Variants in SENP7 observed in about 807,000 individuals in gnomAD.
SENP7 encodes sentrin-specific protease 7.
A neutral mutation model predicts 141.2 loss-of-function variants in SENP7; 64 were observed. That is an observed-to-expected ratio of 0.45 (90% CI 0.37 to 0.56). SENP7 has a LOEUF of 0.56. Among genes scored for constraint, SENP7 ranks in the 20% least tolerant of loss-of-function variants. The pLI is 0.00. For missense variants in SENP7, 1,025 were observed against 1,212.2 expected (o/e 0.85, Z 2.29); for synonymous variants, 382 against 426.4 (o/e 0.90, Z 1.28).
At chr3:101,327,871 C>A in intron 22 of SENP7, 55 bp from the exon 23 acceptor site, 1 of 1,364,866 alleles carries the variant, frequency 7.3e-7, no homozygotes, top group Non-Finnish European at 1.0e-6. Flanking sequence ...TATCAGTATG[C>A]AACATTTTCA....
chr3:101,382,309 T>C (rs543555749), intron 6 of SENP7, among the ~76,000 whole-genome samples: 1 of 152,182 alleles, frequency 6.6e-6, no homozygotes, highest in South Asian at 2.1e-4. Flanking sequence ...TCTTAGTAGA[T>C]AGGACTACAG....
Position 101,332,832 on chromosome 3 carries a change from T to C in SENP7, c.2511A>G (p.Arg837=), listed in dbSNP as rs772174741. 1 of 1,578,826 alleles carries C rather than the reference T, an allele frequency of 6.3e-7. No homozygotes were observed. Among genetic ancestry groups the C allele is most frequent in the South Asian group, 1.2e-5 (1 of 82,460 alleles). Residue 837 remains arginine (R), a synonymous_variant, in exon 18 of 24, where the codon AGA becomes AGG. Transcript: ENST00000394095. ...SMAQRRHKRV[R]TWTRHINIFN... ...AAATGTTTATGTGACGAGTCCATGT[T>C]CTTACTCTTTTATGTCTTCTCTGTG...
chr3:101,449,467 GA>G (rs2063033878), intron 4 of SENP7, among the ~76,000 whole-genome samples: 1 of 152,214 alleles, frequency 6.6e-6, no homozygotes, highest in African/African-American at 2.4e-5. Flanking sequence ...GGCAGCCAGA[GA>G]GGAAGGTCGG....
intron 3 of SENP7, among the ~76,000 whole-genome samples, chr3:101,472,533 G>A (rs2064044380): frequency 6.6e-6 from 1 of 152,102 alleles, no homozygotes; most frequent in Non-Finnish European, 1.5e-5. Flanking sequence ...GATAGCATTA[G>A]GAGAAATACC....
intron 4 of SENP7, among the ~76,000 whole-genome samples, chr3:101,446,376 C>T (rs373899063): frequency 6.6e-6 from 1 of 152,178 alleles, no homozygotes; most frequent in African/African-American, 2.4e-5. Context: ...ATCATCCAGA[C>T]AGAAAACATC....
chr3:101,336,726 G>A (rs1031621284), intron 17 of SENP7, among the ~76,000 whole-genome samples: 2 of 152,176 alleles, frequency 1.3e-5, no homozygotes, highest in South Asian at 2.1e-4. Context: ...TAAGTATGGG[G>A]AAAGGGGAGA....
intron 17 of SENP7, chr3:101,333,195 G>A (rs921560661): frequency 3.7e-5 from 9 of 243,224 alleles, no homozygotes; most frequent in Non-Finnish European, 7.0e-5. Flanking sequence ...ATAAAATACT[G>A]TCATTAAACC....
chr3:101,446,627 G>A (rs1255625596), intron 4 of SENP7, among the ~76,000 whole-genome samples: 1 of 152,128 alleles, frequency 6.6e-6, no homozygotes, highest in African/African-American at 2.4e-5. Context: ...ACCGGAAACT[G>A]TACAAACCCC....
intron 1 of SENP7, among the ~76,000 whole-genome samples, chr3:101,507,629 A>G (rs1410644144): frequency 6.6e-6 from 1 of 151,620 alleles, no homozygotes; most frequent in East Asian, 1.9e-4. Flanking sequence ...ACAGAAGTAG[A>G]GATGAACAAT....
intron 11 of SENP7, chr3:101,358,235 ACT>A: frequency 1.1e-6 from 1 of 914,256 alleles, no homozygotes; most frequent in Non-Finnish European, 1.6e-6. Flanking sequence ...ACATAAGAGA[ACT>A]CATACTAGAG....
intron 4 of SENP7, among the ~76,000 whole-genome samples, chr3:101,431,167 G>T (rs1268366743): frequency 6.6e-6 from 1 of 152,180 alleles, no homozygotes. Flanking sequence ...TTGATTTGGG[G>T]TGAAGAGTTC....
intron 3 of SENP7, among the ~76,000 whole-genome samples, chr3:101,469,830 C>CAAAA (rs58498056): frequency 4.9e-4 from 12 of 24,712 alleles, no homozygotes; most frequent in African/African-American, 1.2e-3. Context: ...GACTCCGTCT[C>CAAAA]AAAAAAAAAA....
At chr3:101,407,483 T>C (rs10936607) in intron 5 of SENP7, among the ~76,000 whole-genome samples, 103,531 of 151,998 alleles carry the variant, frequency 0.68, 35,763 homozygotes, top group African/African-American at 0.78. Flanking sequence ...GCAGAATATA[T>C]GTTCTATTCA....
At chr3:101,465,376 T>C (rs1305467899) in intron 3 of SENP7, among the ~76,000 whole-genome samples, 1 of 152,132 alleles carries the variant, frequency 6.6e-6, no homozygotes, top group Non-Finnish European at 1.5e-5. Flanking sequence ...CATACTGGCA[T>C]CCACACACAC....
rs377419959 is a variant in SENP7 at position 101,341,762 on chromosome 3, C to T, written c.2124G>A (p.Ala708=). The T allele has an allele frequency of 1.6e-5, 25 of 1,603,846 alleles. No individual in the cohort carries two copies. In the African/African-American group the frequency reaches 1.6e-4, roughly 10 times the overall value. The change falls in exon 15 of 24, where the codon GCG becomes GCA. Residue 708 remains alanine, a synonymous_variant. Transcript: ENST00000394095. ...GCAGGAAGGTGTAAGTAGGCTTGGC[C>T]GCATCTGTGTTTGAGGGCTGACAGA... ...KSVSQPSNTD[A]AKPTYTFLQK...
intron 3 of SENP7, among the ~76,000 whole-genome samples, chr3:101,460,599 G>C (rs1269289841): frequency 6.7e-6 from 1 of 149,942 alleles, no homozygotes; most frequent in Non-Finnish European, 1.5e-5. Flanking sequence ...GAAACTCTTA[G>C]AAAAAAAAAC....
chr3:101,428,168 T>G (rs2062028821), intron 4 of SENP7, among the ~76,000 whole-genome samples: 1 of 152,232 alleles, frequency 6.6e-6, no homozygotes, highest in Admixed American at 6.5e-5. Context: ...CATGTGCATG[T>G]GTCTTTACAG....
rs1289389540 is a variant in SENP7 at position 101,367,847 on chromosome 3, T to C, written c.961A>G (p.Lys321Glu). The change falls in exon 8 of 24, where the codon AAG becomes GAG. Residue 321 changes from lysine to glutamate, a missense_variant. Physicochemically the swap from Lys to Glu is moderately conservative, Grantham distance 56. This residue lies in a region of SENP7 where 496 missense variants were observed against 503.5 expected (regional missense o/e 0.99). Transcript: ENST00000394095. ...CTACTTACTGTCTGTTCTGTTGACT[T>C]ATCCAAAGAAGTACAATATTGAGAA... ...PDSQYCTSLD[K>E]STEQTKKQED... The C allele has an allele frequency of 1.3e-6, 2 of 1,598,450 alleles. No individual in the cohort carries two copies. Among genetic ancestry groups the C allele is most frequent in the Non-Finnish European group, 1.7e-6 (2 of 1,168,492 alleles).
At chr3:101,433,622 C>T (rs1333359876) in intron 4 of SENP7, among the ~76,000 whole-genome samples, 2 of 152,096 alleles carry the variant, frequency 1.3e-5, no homozygotes, top group South Asian at 2.1e-4. Context: ...AGTCACTATA[C>T]TTCTATGAGA....
Sources: allele counts gnomAD v4.1 joint callset (sites outside exome capture counted in the v4.1 genomes callset), GRCh38; gene constraint gnomAD v4.1.1; regional missense constraint gnomAD v4.1.1; transcripts MANE v1.5; gene names NCBI Gene and HGNC (gene_info 2026-07-23, HGNC 2026-07-21).